OPCML: variants seen among roughly 807,000 people sequenced by gnomAD.
OPCML encodes opioid binding protein/cell adhesion molecule like.
Under a neutral mutation model 37.8 loss-of-function variants are expected in OPCML, and 13 were observed. The observed-to-expected ratio is 0.34, with a 90% CI of 0.22 to 0.55. OPCML has a LOEUF of 0.55. Among genes scored for constraint, OPCML ranks in the 20% least tolerant of loss-of-function variants. OPCML has a pLI of 0.91. For synonymous variants in OPCML, 176 were observed against 168.8 expected, an observed-to-expected ratio of 1.04 and a Z score of -0.33; for missense variants, 341 against 435.6, an observed-to-expected ratio of 0.78 and a Z score of 1.93.
chr11:132,450,688 C>T (rs1347844137), intron 4 of OPCML, among the ~76,000 whole-genome samples: 3 of 152,028 alleles, frequency 2.0e-5, no homozygotes, highest in African/African-American at 4.8e-5. Flanking sequence ...CAGACAGACA[C>T]ACAAGTGTTA....
At chr11:133,388,794 GA>G (rs1434626197) in intron 1 of OPCML, among the ~76,000 whole-genome samples, 1 of 152,188 alleles carries the variant, frequency 6.6e-6, no homozygotes, top group Non-Finnish European at 1.5e-5. Context: ...CCCAGGTTAT[GA>G]GGCTGAATGT....
intron 1 of OPCML, among the ~76,000 whole-genome samples, chr11:133,130,399 A>C (rs564366208): frequency 1.3e-5 from 2 of 152,124 alleles, no homozygotes; most frequent in South Asian, 4.1e-4. Flanking sequence ...AATATTGGCC[A>C]AACATTTTTT....
At chr11:132,830,179 T>C (rs1940602624) in intron 2 of OPCML, among the ~76,000 whole-genome samples, 1 of 152,172 alleles carries the variant, frequency 6.6e-6, no homozygotes, top group Non-Finnish European at 1.5e-5. Flanking sequence ...CAATTTAGCC[T>C]ATATCATGTT....
chr11:132,798,801 T>G (rs999571819), intron 2 of OPCML, among the ~76,000 whole-genome samples: 1 of 152,244 alleles, frequency 6.6e-6, no homozygotes, highest in African/African-American at 2.4e-5. Context: ...GAATGGGTGT[T>G]TTGTTAACAG....
chr11:133,071,307 T>C (rs1591973683), intron 1 of OPCML, among the ~76,000 whole-genome samples: 1 of 152,264 alleles, frequency 6.6e-6, no homozygotes, highest in East Asian at 1.9e-4. Context: ...TCTTACTAGC[T>C]CAGCAAAAGG....
At chr11:132,742,776 A>C (rs972017573) in intron 2 of OPCML, among the ~76,000 whole-genome samples, 1 of 148,974 alleles carries the variant, frequency 6.7e-6, no homozygotes, top group African/African-American at 2.4e-5. Context: ...TATATAATGT[A>C]CAAGTATTAT....
At chr11:133,143,735 G>A (rs1013824919) in intron 1 of OPCML, among the ~76,000 whole-genome samples, 1 of 152,190 alleles carries the variant, frequency 6.6e-6, no homozygotes, top group East Asian at 1.9e-4. Context: ...TTATTGGCCT[G>A]CCTTAACCTC....
At chr11:133,231,565 C>A (rs1290653552) in intron 1 of OPCML, among the ~76,000 whole-genome samples, 1 of 152,150 alleles carries the variant, frequency 6.6e-6, no homozygotes, top group Non-Finnish European at 1.5e-5. Context: ...GTTTTTGGCA[C>A]CTCTCACAGC....
chr11:132,613,292 T>C (rs1422652712), intron 3 of OPCML, among the ~76,000 whole-genome samples: 1 of 152,230 alleles, frequency 6.6e-6, no homozygotes. Context: ...ACAGGATACA[T>C]GCCCTTTTAC....
chr11:133,052,727 G>A (rs1030366108), intron 1 of OPCML, among the ~76,000 whole-genome samples: 1 of 152,172 alleles, frequency 6.6e-6, no homozygotes, highest in African/African-American at 2.4e-5. Flanking sequence ...AGCAATGAGA[G>A]CCACCCAGCC....
intron 1 of OPCML, among the ~76,000 whole-genome samples, chr11:133,186,513 C>CG: frequency 1.3e-5 from 1 of 78,976 alleles, no homozygotes; most frequent in South Asian, 3.8e-4. Flanking sequence ...AAGGCGGGGG[C>CG]GGGGGGAAGA....
At chr11:132,576,991 T>G (rs1298028310) in intron 3 of OPCML, among the ~76,000 whole-genome samples, 1 of 152,156 alleles carries the variant, frequency 6.6e-6, no homozygotes, top group Non-Finnish European at 1.5e-5. Context: ...AATGCTTGCA[T>G]GCTGGATGCA....
chr11:132,959,091 T>C (rs1483967054), intron 1 of OPCML, among the ~76,000 whole-genome samples: 1 of 152,224 alleles, frequency 6.6e-6, no homozygotes, highest in Non-Finnish European at 1.5e-5. Context: ...CCATGCTAAA[T>C]GCCATTAAGA....
At chr11:132,592,933 C>G (rs1215828256) in intron 3 of OPCML, among the ~76,000 whole-genome samples, 1 of 152,162 alleles carries the variant, frequency 6.6e-6, no homozygotes, top group Non-Finnish European at 1.5e-5. Context: ...TACAGCAATA[C>G]ATAGAAAATA....
intron 3 of OPCML, among the ~76,000 whole-genome samples, chr11:132,611,929 C>T (rs932059748): frequency 6.6e-6 from 1 of 152,152 alleles, no homozygotes; most frequent in Non-Finnish European, 1.5e-5. Flanking sequence ...GGCCAAGACT[C>T]ATTTACAGTA....
At chr11:132,882,371 G>A (rs1943251942) in intron 2 of OPCML, among the ~76,000 whole-genome samples, 1 of 152,166 alleles carries the variant, frequency 6.6e-6, no homozygotes, top group South Asian at 2.1e-4. Context: ...GAATAAACAG[G>A]TTTGTAGATG....
chr11:133,322,342 A>G (rs1565571164), intron 1 of OPCML, among the ~76,000 whole-genome samples: 1 of 152,234 alleles, frequency 6.6e-6, no homozygotes, highest in South Asian at 2.1e-4. Context: ...ACAGATATAC[A>G]TGCACATCCC....
intron 3 of OPCML, among the ~76,000 whole-genome samples, chr11:132,622,540 G>A (rs1287366748): frequency 2.6e-5 from 4 of 152,144 alleles, no homozygotes; most frequent in East Asian, 3.9e-4. Context: ...ACGTTTTCAC[G>A]CCAGTGGGAG....
intron 1 of OPCML, among the ~76,000 whole-genome samples, chr11:133,295,439 G>T (rs1942607082): frequency 1.3e-5 from 2 of 152,282 alleles, no homozygotes; most frequent in African/African-American, 2.4e-5. Flanking sequence ...GCATAGGCAG[G>T]ATCTGAAAGT....
Sources: allele counts gnomAD v4.1 joint callset (sites outside exome capture counted in the v4.1 genomes callset), GRCh38; gene constraint gnomAD v4.1.1; transcripts MANE v1.5; gene names NCBI Gene and HGNC (gene_info 2026-07-23, HGNC 2026-07-21).